NOMO2: variants seen among roughly 807,000 people sequenced by gnomAD.
The protein encoded by NOMO2 is BOS complex subunit NOMO2.
A neutral mutation model predicts 67.1 loss-of-function variants in NOMO2; 14 were observed. The ratio of observed to expected loss-of-function variants is 0.21; its 90% confidence interval spans 0.14 to 0.33. NOMO2 has a LOEUF of 0.33. NOMO2 is among the 10% of genes least tolerant of loss of function. The pLI is 1.00. For missense variants in NOMO2, 178 were observed against 761.0 expected (o/e 0.23, Z 9.01); for synonymous variants, 80 against 305.9 (o/e 0.26, Z 7.71).
intron 4 of NOMO2, among the ~76,000 whole-genome samples, chr16:18,550,371 AAAAT>A (rs1309537341): frequency 6.8e-6 from 1 of 147,998 alleles, no homozygotes; most frequent in African/African-American, 2.5e-5. Flanking sequence ...CTGTCTCAAA[AAAAT>A]AAATAAATAA....
chr16:18,550,769 G>A (rs1285460474), intron 4 of NOMO2, among the ~76,000 whole-genome samples: 1 of 152,098 alleles, frequency 6.6e-6, no homozygotes, highest in Admixed American at 6.5e-5. Flanking sequence ...GGGAGAAGCT[G>A]ACTTCAATTC....
At chr16:18,535,544 G>A (rs1438550733) in intron 11 of NOMO2, among the ~76,000 whole-genome samples, 1 of 151,928 alleles carries the variant, frequency 6.6e-6, no homozygotes, top group Non-Finnish European at 1.5e-5. Context: ...TAAGAAACCT[G>A]TAACCTCAAC....
intron 15 of NOMO2, 166 bp downstream of exon 15, chr16:18,529,335 G>T: frequency 8.4e-7 from 1 of 1,189,978 alleles, no homozygotes; most frequent in Non-Finnish European, 1.2e-6. Context: ...CACTGAGAGA[G>T]TATAAATGCT....
At chr16:18,561,314 T>C (rs1902044874) in intron 1 of NOMO2, among the ~76,000 whole-genome samples, 2 of 145,002 alleles carry the variant, frequency 1.4e-5, no homozygotes, top group Admixed American at 1.4e-4. Flanking sequence ...AAATAAAAAA[T>C]AGCTTTCCGG....
At chr16:18,533,945 T>C (rs899083437) in intron 11 of NOMO2, 22 of 151,764 alleles carry the variant, frequency 1.4e-4, no homozygotes, top group Non-Finnish European at 2.6e-4. Flanking sequence ...TAAAGTGTAA[T>C]AGTACATCCT....
At chr16:18,556,811 T>C (rs1596862833) in intron 2 of NOMO2, among the ~76,000 whole-genome samples, 1 of 152,124 alleles carries the variant, frequency 6.6e-6, no homozygotes, top group East Asian at 1.9e-4. Flanking sequence ...TAGAAAGCAA[T>C]CTGTTAGGAT....
In NOMO2 at chr16:18,531,697, A is replaced by G. The variant is rs1901306707; in HGVS notation, c.1396-90T>C. 2.0e-5 allele frequency: 31 copies of G among 1,573,778 alleles called. No individual in the cohort carries two copies. In the South Asian group the frequency reaches 3.7e-4, roughly 19 times the overall value. On this transcript the variant is annotated intron_variant, in intron 12 of 30. Transcript: ENST00000622306. Reference sequence around the variant, plus strand: ...GCGCTAGAACATTCATCTGGGACTAAGGCTAAAGAGATTTTGAAGGCCAAA... The same window carrying G: ...GCGCTAGAACATTCATCTGGGACTAGGGCTAAAGAGATTTTGAAGGCCAAA...
At chr16:18,558,898 A>G (rs563032911) in intron 1 of NOMO2, 15 of 454,518 alleles carry the variant, frequency 3.3e-5, no homozygotes, top group Admixed American at 3.1e-4. Context: ...GCGGCCAGGC[A>G]TGGTGGCTCA....
intron 6 of NOMO2, among the ~76,000 whole-genome samples, chr16:18,544,796 G>T (rs1223598158): frequency 6.6e-6 from 1 of 151,430 alleles, no homozygotes; most frequent in South Asian, 2.1e-4. Context: ...TTTTGTTAAG[G>T]TACAATAAAC....
At chr16:18,556,281 T>A (rs964392294) in intron 2 of NOMO2, among the ~76,000 whole-genome samples, 6 of 150,816 alleles carry the variant, frequency 4.0e-5, no homozygotes, top group Non-Finnish European at 7.4e-5. Flanking sequence ...TGAAACACCA[T>A]CTCTACTAAA....
intron 11 of NOMO2, chr16:18,533,664 T>C (rs1901356421): frequency 1.3e-5 from 2 of 159,346 alleles, no homozygotes; most frequent in South Asian, 1.7e-4. Context: ...TGTGATTATA[T>C]ATAATACATG....
At chr16:18,533,887 C>A (rs2141724919) in intron 11 of NOMO2, 1 of 151,752 alleles carries the variant, frequency 6.6e-6, no homozygotes, top group East Asian at 1.9e-4. Flanking sequence ...CCTACAACGA[C>A]CATCATCCTT....
At chr16:18,539,601 A>G (rs1432228352) in intron 9 of NOMO2, among the ~76,000 whole-genome samples, 1 of 151,960 alleles carries the variant, frequency 6.6e-6, no homozygotes, top group African/African-American at 2.4e-5. Context: ...CACTAAAAAT[A>G]CAAAAATTAG....
intron 20 of NOMO2, among the ~76,000 whole-genome samples, chr16:18,520,385 T>C (rs1213777203): frequency 1.4e-5 from 2 of 144,596 alleles, no homozygotes; most frequent in Admixed American, 6.9e-5. Flanking sequence ...CATCCATCCA[T>C]CCATCCATCC....
At chr16:18,539,738 C>T (rs1482886675) in intron 9 of NOMO2, among the ~76,000 whole-genome samples, 3 of 151,668 alleles carry the variant, frequency 2.0e-5, no homozygotes, top group Non-Finnish European at 4.4e-5. Flanking sequence ...CGCAGCAAGA[C>T]TCTGTCTCAA....
chr16:18,543,225 CT>C (rs1300354462), intron 7 of NOMO2, among the ~76,000 whole-genome samples: 5 of 147,548 alleles, frequency 3.4e-5, no homozygotes, highest in Admixed American at 1.4e-4. Flanking sequence ...GTCACCCAGG[CT>C]GGAGTGCAGT....
At chr16:18,535,988 G>A (rs1321604319) in intron 11 of NOMO2, among the ~76,000 whole-genome samples, 3 of 151,928 alleles carry the variant, frequency 2.0e-5, no homozygotes, top group South Asian at 2.1e-4. Context: ...AGTACAGACC[G>A]GGTTTCACCA....
chr16:18,528,987 AAATACATATAT>A (rs1901222102), intron 15 of NOMO2, among the ~76,000 whole-genome samples: 2 of 75,240 alleles, frequency 2.7e-5, no homozygotes, highest in African/African-American at 9.3e-5. Context: ...AAAAAAAAAA[AAATACATATAT>A]ATATATATAT....
Position 18,533,038 on chromosome 16 carries a change from A to T in NOMO2, c.1362T>A (p.Cys454Ter). The T allele has an allele frequency of 6.2e-7, 1 of 1,607,804 alleles. No individual in the cohort carries two copies. The highest frequency in any genetic ancestry group is 8.5e-7 in the Non-Finnish European group (1 of 1,178,200). The part of the protein sequence containing the change: ...TVETDAHGSF[C>*]FKAKPGTYKV... ...TGTAAGTCCCTGGTTTTGCTTTAAA[A>T]CAAAATGATCCATGAGCATCTGTCT... Residue 454 changes from cysteine to a stop codon, truncating the protein, a stop_gained, in exon 12 of 31, where the codon TGT becomes TGA. Coordinates refer to ENST00000622306, the MANE Select transcript of NOMO2 (RefSeq NM_173614.4). LOFTEE classifies it high-confidence loss of function.
Sources: gnomAD v4.1 joint callset for allele counts (sites outside exome capture counted in the v4.1 genomes callset) on GRCh38, gnomAD v4.1.1 for gene constraint, MANE v1.5 for transcripts, NCBI Gene and HGNC (gene_info 2026-07-23, HGNC 2026-07-21) for gene names.